Variants in DNAJC2 observed in about 807,000 individuals in gnomAD.
DNAJC2 encodes dnaJ homolog subfamily C member 2.
In DNAJC2, 32 loss-of-function variants were observed where a neutral mutation model predicts 94.0. The observed-to-expected ratio is 0.34, with a 90% confidence interval of 0.26 to 0.46. The LOEUF is 0.46. Among genes scored for constraint, DNAJC2 ranks in the 20% least tolerant of loss-of-function variants. The pLI, the probability that DNAJC2 is intolerant of heterozygous loss-of-function variation, is 1.00. For synonymous variants in DNAJC2, 210 were observed against 229.7 expected (o/e 0.91, Z 0.77); for missense variants, 550 against 719.5 (o/e 0.76, Z 2.69).
intron 12 of DNAJC2, among the ~76,000 whole-genome samples, chr7:103,319,350 T>C (rs1316709900): frequency 6.6e-6 from 1 of 151,542 alleles, no homozygotes; most frequent in East Asian, 2.0e-4. Flanking sequence ...GGCAGGAGAA[T>C]CACTTGAACC....
Position 103,342,687 on chromosome 7 carries a change from A to C in DNAJC2, c.65-733T>G, listed in dbSNP as rs181555383. The stretch of plus-strand genomic sequence containing the variant: ...GCAATGGCGCGATCTTGGCTCACTG[A>C]AAGCTCCGCCTCCCGGGTTCAAGCG... On this transcript the variant is annotated intron_variant, in intron 1 of 16. Transcript: ENST00000379263. 3.8e-3 allele frequency among the ~76,000 whole-genome samples: 555 copies of C among 144,588 alleles called. 4 individuals are homozygous for C. The highest frequency in any genetic ancestry group is 0.014 in the African/African-American group (546 of 38,642). 94.9% of individuals were successfully genotyped at this position (144,588 alleles called of 152,430 possible).
intron 3 of DNAJC2, among the ~76,000 whole-genome samples, chr7:103,330,797 G>A (rs2115980827): frequency 6.6e-6 from 1 of 151,590 alleles, no homozygotes; most frequent in African/African-American, 2.4e-5. Context: ...GGCCAGGCTG[G>A]TCTTGAACTC....
chr7:103,342,148 A>T (rs977915526), intron 1 of DNAJC2, among the ~76,000 whole-genome samples, 194 bp from the exon 2 acceptor site: 1 of 152,224 alleles, frequency 6.6e-6, no homozygotes, highest in Non-Finnish European at 1.5e-5. Flanking sequence ...TCCTAGTATT[A>T]AAGAGTATTT....
At position 103,343,176 on chromosome 7, in the gene DNAJC2, T is replaced by G. The variant is rs191054357; in HGVS notation, c.65-1222A>C. Among the ~76,000 whole-genome samples the G allele has an allele frequency of 9.0e-3, 1,365 of 152,042 alleles. 18 individuals are homozygous for G. Among genetic ancestry groups the G allele is most frequent in the Middle Eastern group, 0.024 (7 of 292 alleles). On this transcript the variant is annotated intron_variant, in intron 1 of 16. Coordinates refer to ENST00000379263, the MANE Select transcript of DNAJC2 (RefSeq NM_014377.3). ...CACCACGCCCAGCTACTTTTTTGTA[T>G]TTTTAGTAGAGACAGGGTTTCACCC...
Position 103,323,670 on chromosome 7 carries a change from T to C in DNAJC2, c.654-7A>G, listed in dbSNP as rs1818544012. On this transcript the variant is annotated splice_polypyrimidine_tract_variant and splice_region_variant and intron_variant, in intron 6 of 16. Transcript: ENST00000379263. ...CCAAGAATCAAAATTATACCTAATA[T>C]AGACAGAAATAATACATGATCAAGA... 6 of 1,399,824 alleles carry C rather than the reference T, an allele frequency of 4.3e-6. No individual in the cohort carries two copies. In the South Asian group the frequency reaches 5.3e-5, roughly 12 times the overall value. 86.7% of individuals were successfully genotyped at this position (1,399,824 alleles called of 1,614,324 possible). A position where few individuals can be genotyped will look rare whatever the true frequency, so the allele number is the denominator to read the frequency against.
chr7:103,328,086 A>AT (rs1383971423), intron 3 of DNAJC2, among the ~76,000 whole-genome samples: 2 of 151,546 alleles, frequency 1.3e-5, no homozygotes, highest in East Asian at 2.0e-4. Flanking sequence ...ATGCCCAGCT[A>AT]TTTTTTTGTA....
In DNAJC2 at chr7:103,315,409, T is replaced by C. The variant is rs780995221; in HGVS notation, c.1636+355A>G. ...TCCTTAACACTTCTGTGTTTTTCCT[T>C]AAACATAAGGACATTTTCTTATATA... On this transcript the variant is annotated intron_variant, in intron 15 of 16. Coordinates refer to ENST00000379263, the MANE Select transcript of DNAJC2 (RefSeq NM_014377.3). Among the ~76,000 whole-genome samples the C allele has an allele frequency of 2.1e-4, 32 of 152,160 alleles. 1 individual carries two copies. The highest frequency in any genetic ancestry group is 3.4e-4 in the Non-Finnish European group (23 of 68,032).
At chr7:103,332,284 C>T (rs773942023) in intron 3 of DNAJC2, among the ~76,000 whole-genome samples, 18 of 152,194 alleles carry the variant, frequency 1.2e-4, no homozygotes, top group Admixed American at 3.3e-4. Flanking sequence ...GGATTATAGG[C>T]GTGAGCCACT....
chr7:103,344,380 T>C, intron 1 of DNAJC2, 179 bp downstream of exon 1: 1 of 646,410 alleles, frequency 1.5e-6, no homozygotes, highest in Non-Finnish European at 2.7e-6. Context: ...CCCTCCTTCC[T>C]TCTAATCTAG....
At chr7:103,317,094 G>A (rs1312593909) in intron 12 of DNAJC2, 80 bp from the exon 13 acceptor site, 1 of 1,229,492 alleles carries the variant, frequency 8.1e-7, no homozygotes, top group African/African-American at 1.5e-5. Flanking sequence ...AGGGCTTTGT[G>A]GTCCTCAACT....
At chr7:103,318,401 A>G (rs1157505303) in intron 12 of DNAJC2, among the ~76,000 whole-genome samples, 1 of 152,018 alleles carries the variant, frequency 6.6e-6, no homozygotes, top group Non-Finnish European at 1.5e-5. Context: ...TTCTACTTCT[A>G]TTTTATAGTT....
intron 3 of DNAJC2, among the ~76,000 whole-genome samples, chr7:103,334,607 T>A (rs1426739470): frequency 2.0e-5 from 3 of 149,714 alleles, no homozygotes; most frequent in East Asian, 3.9e-4. Flanking sequence ...TGAAAAAAAA[T>A]TTTTTTAATT....
Position 103,315,743 on chromosome 7 carries a change from GT to G in DNAJC2, c.1636+20del. On this transcript the variant is annotated intron_variant, in intron 15 of 16. Coordinates refer to ENST00000379263, the MANE Select transcript of DNAJC2 (RefSeq NM_014377.3). ...CAGATACATGGCTAGCATTTTCTAC[GT>G]TTAGAAAAGCAAAATTTACCTTCAA... The G allele has an allele frequency of 6.4e-7, 1 of 1,551,662 alleles. No individual in the cohort carries two copies. Among genetic ancestry groups the G allele is most frequent in the Non-Finnish European group, 8.9e-7 (1 of 1,123,700 alleles).
intron 15 of DNAJC2, chr7:103,313,338 A>G: frequency 7.9e-7 from 1 of 1,267,044 alleles, no homozygotes; most frequent in South Asian, 2.4e-5. Context: ...AATAGTAAAG[A>G]TCTACCTTGT....
chr7:103,313,262 A>G (rs1239518258), intron 15 of DNAJC2, 161 bp from the exon 16 acceptor site: 2 of 1,350,774 alleles, frequency 1.5e-6, no homozygotes, highest in Admixed American at 3.5e-5. Context: ...TCTGAGTGTT[A>G]ATAAGAGAAA....
intron 4 of DNAJC2, chr7:103,327,355 T>C: frequency 7.7e-7 from 1 of 1,292,922 alleles, no homozygotes; most frequent in Non-Finnish European, 1.0e-6. Flanking sequence ...AGGATGAGCT[T>C]CTGATAAGAA....
intron 3 of DNAJC2, among the ~76,000 whole-genome samples, chr7:103,328,130 C>T (rs1818804386): frequency 6.6e-6 from 1 of 151,782 alleles, no homozygotes; most frequent in African/African-American, 2.4e-5. Context: ...CTATGTTGGC[C>T]AGGCTGGTCT....
At chr7:103,318,243 G>A (rs1241229468) in intron 12 of DNAJC2, among the ~76,000 whole-genome samples, 2 of 151,856 alleles carry the variant, frequency 1.3e-5, no homozygotes, top group African/African-American at 4.8e-5. Context: ...ATAGCTCACT[G>A]CAGCTGTGAC....
chr7:103,323,490 T>G (rs1448511686), intron 7 of DNAJC2, 108 bp downstream of exon 7: 4 of 1,138,800 alleles, frequency 3.5e-6, no homozygotes, highest in Non-Finnish European at 4.7e-6. Context: ...TTAAAAAAGA[T>G]GTACAAAGAG....
Sources: allele counts gnomAD v4.1 joint callset (sites outside exome capture counted in the v4.1 genomes callset), GRCh38; gene constraint gnomAD v4.1.1; transcripts MANE v1.5; gene names NCBI Gene and HGNC (gene_info 2026-07-23, HGNC 2026-07-21).